Variants in TLL2 observed in about 807,000 individuals in gnomAD.
TLL2 encodes the protein tolloid-like protein 2.
A neutral mutation model predicts 123.0 loss-of-function variants in TLL2; 106 were observed. The observed-to-expected ratio is 0.86, with a 90% CI of 0.74 to 1.01. The LOEUF is 1.01. Ranked by LOEUF, TLL2 falls within the 50% of genes least tolerant of loss-of-function variation. TLL2 has a pLI of 0.00. For missense variants in TLL2, 1,332 were observed against 1,336.7 expected (o/e 1.00, Z 0.06); for synonymous variants, 494 against 516.8 (o/e 0.96, Z 0.60).
chr10:96,382,925 A>G (rs746352199), intron 16 of TLL2, among the ~76,000 whole-genome samples: 2 of 152,212 alleles, frequency 1.3e-5, no homozygotes, highest in Non-Finnish European at 2.9e-5. Flanking sequence ...AATGTTACAG[A>G]AAGTGGCATT....
chr10:96,384,803 C>T (rs1846217918), intron 15 of TLL2, 36 bp from the exon 16 acceptor site: 2 of 1,535,882 alleles, frequency 1.3e-6, no homozygotes, highest in East Asian at 2.4e-5. Context: ...TCCCAGAGTC[C>T]CTGTCCCCAC....
chr10:96,501,355 A>T (rs1847531683), intron 1 of TLL2, among the ~76,000 whole-genome samples: 1 of 152,084 alleles, frequency 6.6e-6, no homozygotes. Context: ...CCACAGAGCC[A>T]CTATCTCTTC....
intron 18 of TLL2, among the ~76,000 whole-genome samples, chr10:96,375,856 C>T (rs1174984545): frequency 6.6e-6 from 1 of 152,212 alleles, no homozygotes; most frequent in Non-Finnish European, 1.5e-5. Flanking sequence ...ATCCTACTTA[C>T]CTCTACAGTC....
rs1489251666 is a variant in TLL2, at chr10:96,428,642, G to A, written c.627C>T (p.Tyr209=). 8 of 1,612,688 alleles carry A rather than the reference G, an allele frequency of 5.0e-6. No homozygotes were observed. The highest frequency in any genetic ancestry group is 1.3e-5 in the African/African-American group (1 of 74,884). Residue 209 remains tyrosine (Y), a synonymous_variant, in exon 5 of 21, where the codon TAC becomes TAT. Transcript: ENST00000357947. Reference sequence around the variant, plus strand: ...TTTCGTTTACTTACCCACAGGTTCTGTAACTGAATACAATAAAGCTTTCCT... The same window carrying A: ...TTTCGTTTACTTACCCACAGGTTCTATAACTGAATACAATAAAGCTTTCCT... ...TDEESFIVFS[Y]RTCGCCSYVG... is the part of the protein sequence containing the mutation.
rs924853721 is a variant in TLL2 at position 96,513,751 on chromosome 10, G to A, written c.-66C>T. On this transcript the variant is annotated 5_prime_UTR_variant, in exon 1 of 21. Coordinates refer to ENST00000357947, the MANE Select transcript of TLL2 (RefSeq NM_012465.4). The stretch of plus-strand genomic sequence containing the variant: ...CGAAAGCTCAGCTCGGCCGAAAGAC[G>A]GCGCACACTGGGTCGGTCGGCTCCG... The A allele has an allele frequency of 1.2e-5, 17 of 1,411,446 alleles. No individual in the cohort carries two copies. In the South Asian group the frequency reaches 2.1e-4, roughly 17 times the overall value. 87.4% of individuals were successfully genotyped at this position (1,411,446 alleles called of 1,614,324 possible).
chr10:96,393,060 T>C (rs1239622876), intron 13 of TLL2, among the ~76,000 whole-genome samples: 1 of 152,176 alleles, frequency 6.6e-6, no homozygotes, highest in Non-Finnish European at 1.5e-5. Flanking sequence ...AAGGGGACCA[T>C]GAGCCAAGGA....
At chr10:96,492,193 C>A (rs970255934) in intron 1 of TLL2, among the ~76,000 whole-genome samples, 1 of 151,508 alleles carries the variant, frequency 6.6e-6, no homozygotes, top group African/African-American at 2.4e-5. Flanking sequence ...CAAGAGGAGG[C>A]CATTTTGTCC....
intron 8 of TLL2, among the ~76,000 whole-genome samples, chr10:96,412,567 A>C (rs1482242844): frequency 6.6e-6 from 1 of 152,176 alleles, no homozygotes; most frequent in Non-Finnish European, 1.5e-5. Flanking sequence ...GGGAAGGAAC[A>C]CTTCCAAACG....
intron 3 of TLL2, among the ~76,000 whole-genome samples, chr10:96,441,788 A>C (rs1459474447): frequency 6.6e-6 from 1 of 152,198 alleles, no homozygotes; most frequent in Non-Finnish European, 1.5e-5. Context: ...CAGGCTAAAA[A>C]GGAAGGCCTG....
At chr10:96,451,354 C>T (rs568270687) in intron 2 of TLL2, among the ~76,000 whole-genome samples, 2 of 152,304 alleles carry the variant, frequency 1.3e-5, no homozygotes, top group Admixed American at 6.5e-5. Flanking sequence ...GATGTACACA[C>T]AACGCCCCTC....
chr10:96,424,466 C>G (rs1276406501), intron 5 of TLL2, among the ~76,000 whole-genome samples: 1 of 152,128 alleles, frequency 6.6e-6, no homozygotes, highest in Non-Finnish European at 1.5e-5. Context: ...GAAGCTTAAA[C>G]AAATGTTTAA....
intron 7 of TLL2, among the ~76,000 whole-genome samples, chr10:96,418,962 T>C (rs1289810385): frequency 6.6e-6 from 1 of 151,916 alleles, no homozygotes; most frequent in African/African-American, 2.4e-5. Context: ...TTGACATAGA[T>C]TCCCTGACAA....
intron 8 of TLL2, among the ~76,000 whole-genome samples, chr10:96,411,537 C>T (rs1846507329): frequency 6.6e-6 from 1 of 152,124 alleles, no homozygotes; most frequent in African/African-American, 2.4e-5. Flanking sequence ...AAGTATTTCC[C>T]CTAATTTGTC....
At chr10:96,430,843 C>T (rs1846731573) in intron 4 of TLL2, among the ~76,000 whole-genome samples, 1 of 152,120 alleles carries the variant, frequency 6.6e-6, no homozygotes. Flanking sequence ...GATCATGCCA[C>T]TGCACTGCAG....
At chr10:96,369,781 G>C (rs182868647) in intron 20 of TLL2, among the ~76,000 whole-genome samples, 1 of 151,818 alleles carries the variant, frequency 6.6e-6, no homozygotes, top group African/African-American at 2.4e-5. Flanking sequence ...AAAAGGAGGG[G>C]AGAGGGAAAG....
intron 12 of TLL2, 149 bp from the exon 13 acceptor site, chr10:96,395,531 A>C: frequency 1.3e-6 from 1 of 755,580 alleles, no homozygotes; most frequent in South Asian, 2.2e-5. Context: ...GCTGCTTCCT[A>C]GTTCACTCCT....
At chr10:96,487,020 G>A (rs7097077) in intron 1 of TLL2, among the ~76,000 whole-genome samples, 32,616 of 152,198 alleles carry the variant, frequency 0.21, 3,607 homozygotes, top group East Asian at 0.29. Flanking sequence ...TGCAGTCTTC[G>A]TATTGTTCAC....
At position 96,446,178 on chromosome 10, in the gene TLL2, T is replaced by G. The variant is rs769480374; in HGVS notation, c.287-10A>C. On this transcript the variant is annotated splice_polypyrimidine_tract_variant and intron_variant, in intron 2 of 20. Transcript: ENST00000357947. ...TGCTCTTCAAGCCCACCTAGAGGAA[T>G]GGAGAAGAAAGAGGCATGAGGACAC... 1.2e-6 allele frequency: 2 copies of G among 1,613,656 alleles called. No homozygotes were observed. Among genetic ancestry groups the G allele is most frequent in the Non-Finnish European group, 1.7e-6 (2 of 1,179,876 alleles).
intron 4 of TLL2, 81 bp downstream of exon 4, chr10:96,432,726 G>A (rs1037447382): frequency 3.4e-5 from 53 of 1,538,680 alleles, no homozygotes; most frequent in Non-Finnish European, 2.0e-5. Flanking sequence ...CATCCCACCC[G>A]GGTCCTTCCT....
Sources: gnomAD v4.1 joint callset for allele counts (sites outside exome capture counted in the v4.1 genomes callset) on GRCh38, gnomAD v4.1.1 for gene constraint, MANE v1.5 for transcripts, NCBI Gene and HGNC (gene_info 2026-07-23, HGNC 2026-07-21) for gene names.